ZFYVE9: variants seen among roughly 807,000 people sequenced by gnomAD.
ZFYVE9 encodes the protein zinc finger FYVE-type containing 9.
A neutral mutation model predicts 126.7 loss-of-function variants in ZFYVE9; 43 were observed. That is an observed-to-expected ratio of 0.34 (90% confidence interval 0.27 to 0.44). ZFYVE9 has a LOEUF of 0.44. Ranked by LOEUF, ZFYVE9 falls within the 20% of genes least tolerant of loss-of-function variation. The probability of loss-of-function intolerance (pLI) is 1.00; values close to 1 mark genes in which losing one functional copy is unlikely to be tolerated. For missense variants in ZFYVE9, 1,476 were observed against 1,697.0 expected (o/e 0.87, Z 2.29); for synonymous variants, 521 against 597.4 (o/e 0.87, Z 1.87).
At chr1:52,219,752 TG>T (rs1557463641) in intron 2 of ZFYVE9, among the ~76,000 whole-genome samples, 788 of 28,668 alleles carry the variant, frequency 0.027, 11 homozygotes, top group African/African-American at 0.094. Context: ...AGATCTTTTG[TG>T]TGTGTGTGTG....
chr1:52,319,508 C>G (rs902504390), intron 13 of ZFYVE9, among the ~76,000 whole-genome samples: 1 of 151,504 alleles, frequency 6.6e-6, no homozygotes. Flanking sequence ...CCTATAATCC[C>G]AGCTACTCAG....
At chr1:52,147,252 A>G (rs546690036) in intron 1 of ZFYVE9, among the ~76,000 whole-genome samples, 1 of 152,262 alleles carries the variant, frequency 6.6e-6, no homozygotes, top group South Asian at 2.1e-4. Context: ...TTTTTCTTTT[A>G]AATTATGGTA....
intron 1 of ZFYVE9, among the ~76,000 whole-genome samples, chr1:52,209,694 C>G (rs554798866): frequency 6.6e-6 from 1 of 152,032 alleles, no homozygotes; most frequent in South Asian, 2.1e-4. Context: ...GGAAAATAGG[C>G]AAGATTGAGA....
intron 10 of ZFYVE9, among the ~76,000 whole-genome samples, chr1:52,292,799 T>C (rs966237136): frequency 1.3e-5 from 2 of 152,074 alleles, no homozygotes; most frequent in African/African-American, 2.4e-5. Context: ...TTTGAGGTGA[T>C]AGTTCTTGAG....
chr1:52,219,747 TTTTGTG>T (rs1330411315), intron 2 of ZFYVE9, among the ~76,000 whole-genome samples: 9 of 124,932 alleles, frequency 7.2e-5, no homozygotes, highest in South Asian at 2.7e-4. Flanking sequence ...GGCCAAGATC[TTTTGTG>T]TGTGTGTGTG....
chr1:52,269,996 A>C (rs1026726142), intron 7 of ZFYVE9, among the ~76,000 whole-genome samples: 1 of 152,134 alleles, frequency 6.6e-6, no homozygotes, highest in Non-Finnish European at 1.5e-5. Flanking sequence ...CAAGAATAGT[A>C]CAGTGAATAC....
At chr1:52,208,523 C>T (rs1235356212) in intron 1 of ZFYVE9, among the ~76,000 whole-genome samples, 6 of 141,166 alleles carry the variant, frequency 4.3e-5, no homozygotes, top group Admixed American at 7.2e-5. Context: ...TTTTTTGAGA[C>T]GGAGTTTTGC....
chr1:52,149,369 C>G (rs1475883026), intron 1 of ZFYVE9, among the ~76,000 whole-genome samples: 1 of 152,086 alleles, frequency 6.6e-6, no homozygotes, highest in Non-Finnish European at 1.5e-5. Context: ...GCTGGGATTA[C>G]AGACGTGAGC....
chr1:52,190,573 G>A (rs1644807423), intron 1 of ZFYVE9, among the ~76,000 whole-genome samples: 1 of 152,172 alleles, frequency 6.6e-6, no homozygotes, highest in Admixed American at 6.5e-5. Context: ...ATGCTTAAAA[G>A]ATTTTCAGTT....
At chr1:52,261,957 G>A (rs1645583726) in intron 4 of ZFYVE9, among the ~76,000 whole-genome samples, 1 of 152,196 alleles carries the variant, frequency 6.6e-6, no homozygotes, top group Non-Finnish European at 1.5e-5. Context: ...AGCCATTGCA[G>A]TCATACAGAT....
chr1:52,177,277 G>T (rs1419433660), intron 1 of ZFYVE9, among the ~76,000 whole-genome samples: 2 of 151,942 alleles, frequency 1.3e-5, no homozygotes, highest in Non-Finnish European at 2.9e-5. Context: ...AGCCTCCCCA[G>T]TAGCTGGGAT....
intron 9 of ZFYVE9, among the ~76,000 whole-genome samples, chr1:52,279,582 G>A (rs1043205889): frequency 3.9e-5 from 6 of 152,076 alleles, no homozygotes; most frequent in African/African-American, 1.4e-4. Flanking sequence ...TCCCACGTCA[G>A]CCTCCCAAGT....
intron 1 of ZFYVE9, among the ~76,000 whole-genome samples, chr1:52,191,440 A>G (rs1157728718): frequency 6.6e-6 from 1 of 152,210 alleles, no homozygotes; most frequent in Non-Finnish European, 1.5e-5. Context: ...ACCCAGTCAG[A>G]CACTTGCCCT....
At chr1:52,270,789 TTGTC>T (rs1166007836) in intron 7 of ZFYVE9, among the ~76,000 whole-genome samples, 1 of 152,068 alleles carries the variant, frequency 6.6e-6, no homozygotes, top group Non-Finnish European at 1.5e-5. Context: ...CAATTTGTAT[TTGTC>T]TGTTTTTTTT....
intron 1 of ZFYVE9, among the ~76,000 whole-genome samples, chr1:52,215,686 C>T (rs1645065462): frequency 6.6e-6 from 1 of 152,092 alleles, no homozygotes; most frequent in Admixed American, 6.5e-5. Flanking sequence ...CTAAATTAGG[C>T]CCTTAAAGAA....
At chr1:52,221,648 C>T (rs756269001) in intron 2 of ZFYVE9, among the ~76,000 whole-genome samples, 5 of 152,094 alleles carry the variant, frequency 3.3e-5, no homozygotes, top group East Asian at 1.9e-4. Context: ...CCACGGGTTA[C>T]GGGGTCAAGG....
At position 52,180,403 on chromosome 1, in the gene ZFYVE9, C is replaced by G. The variant is rs544086522; in HGVS notation, c.-142-35966C>G. 61 of 1,506,988 alleles carry G rather than the reference C, an allele frequency of 4.0e-5. No individual in the cohort carries two copies. The Admixed American group carries it at 1.0e-3, about 25-fold the overall frequency. 93.4% of individuals were successfully genotyped at this position (1,506,988 alleles called of 1,614,324 possible). A position where few individuals can be genotyped will look rare whatever the true frequency, so the allele number is the denominator to read the frequency against. On this transcript the variant is annotated intron_variant, in intron 1 of 18. Transcript: ENST00000287727. Reference sequence around the variant, plus strand: ...CTGGTGTTTGGCGGCATTAACCTGACAAGAGATGAGTTGCAGTGAAAACTG... The same window carrying G: ...CTGGTGTTTGGCGGCATTAACCTGAGAAGAGATGAGTTGCAGTGAAAACTG...
chr1:52,284,708 C>T (rs893754462), intron 10 of ZFYVE9, among the ~76,000 whole-genome samples: 6 of 152,156 alleles, frequency 3.9e-5, no homozygotes, highest in African/African-American at 1.4e-4. Flanking sequence ...CGTGAGCCAC[C>T]GCGCCCAGCA....
intron 16 of ZFYVE9, among the ~76,000 whole-genome samples, chr1:52,339,380 C>T (rs577749876): frequency 6.6e-6 from 1 of 152,046 alleles, no homozygotes; most frequent in Admixed American, 6.5e-5. Flanking sequence ...CTCCGCCTCC[C>T]AGGTTCAAGG....
Sources: allele counts gnomAD v4.1 joint callset (sites outside exome capture counted in the v4.1 genomes callset), GRCh38; gene constraint gnomAD v4.1.1; transcripts MANE v1.5; gene names NCBI Gene and HGNC (gene_info 2026-07-23, HGNC 2026-07-21).